PLPPR5: variants seen among roughly 807,000 people sequenced by gnomAD.
PLPPR5 encodes phospholipid phosphatase related 5, also known as phospholipid phosphatase-related protein type 5.
In PLPPR5, 16 loss-of-function variants were observed where a neutral mutation model predicts 33.9. The observed-to-expected ratio is 0.47, with a 90% CI of 0.32 to 0.72. PLPPR5 has a LOEUF of 0.72. PLPPR5 is among the 30% of genes least tolerant of loss of function. The pLI is 0.03. For missense variants in PLPPR5, 301 were observed against 406.7 expected (o/e 0.74, Z 2.23); for synonymous variants, 163 against 150.3 (o/e 1.08, Z -0.62).
chr1:98,897,692 A>T (rs560426529), intron 5 of PLPPR5, among the ~76,000 whole-genome samples: 66 of 152,278 alleles, frequency 4.3e-4, no homozygotes, highest in African/African-American at 1.5e-3. Flanking sequence ...TGTGTGGTAC[A>T]GTGGTCTTTG....
intron 1 of PLPPR5, among the ~76,000 whole-genome samples, chr1:98,958,031 C>T (rs912357592): frequency 5.9e-5 from 9 of 152,122 alleles, no homozygotes; most frequent in Admixed American, 1.3e-4. Context: ...CTTTTTAAGG[C>T]CAGTCAGAAG....
chr1:98,936,312 G>T (rs1650167623), intron 3 of PLPPR5, among the ~76,000 whole-genome samples: 1 of 152,186 alleles, frequency 6.6e-6, no homozygotes, highest in Non-Finnish European at 1.5e-5. Flanking sequence ...GGGCTTTTTA[G>T]AGTGTGTAAA....
At chr1:98,953,392 T>TGTGA (rs1553169384) in intron 2 of PLPPR5, 72 bp from the exon 3 acceptor site, 157,605 of 1,447,602 alleles carry the variant, frequency 0.11, 3,337 homozygotes, top group Middle Eastern at 0.14. Flanking sequence ...TGTGTGTGTG[T>TGTGA]GTGAATTTCA....
At chr1:98,973,642 A>G (rs17119341) in intron 1 of PLPPR5, among the ~76,000 whole-genome samples, 16,886 of 151,974 alleles carry the variant, frequency 0.11, 1,005 homozygotes, top group African/African-American at 0.13. Flanking sequence ...AATAATCCAG[A>G]ACTGACCCAG....
chr1:98,919,778 G>A (rs551442539), intron 4 of PLPPR5, among the ~76,000 whole-genome samples: 14 of 152,196 alleles, frequency 9.2e-5, no homozygotes, highest in African/African-American at 1.4e-4. Flanking sequence ...CAAATCTTAC[G>A]TAGGGTAAAA....
At chr1:99,003,095 A>ATATATG (rs1652930193) in intron 1 of PLPPR5, among the ~76,000 whole-genome samples, 5 of 129,338 alleles carry the variant, frequency 3.9e-5, no homozygotes, top group Non-Finnish European at 6.7e-5. Context: ...ATATATATAT[A>ATATATG]TGTAAAACAT....
chr1:98,954,109 T>A (rs1447449213), intron 2 of PLPPR5, among the ~76,000 whole-genome samples: 4 of 151,972 alleles, frequency 2.6e-5, no homozygotes, highest in Admixed American at 1.3e-4. Flanking sequence ...TATTTTTTCC[T>A]CCTTTGCTAA....
At chr1:98,969,148 T>C (rs1651557501) in intron 1 of PLPPR5, among the ~76,000 whole-genome samples, 1 of 152,062 alleles carries the variant, frequency 6.6e-6, no homozygotes, top group South Asian at 2.1e-4. Context: ...AAATATCTGG[T>C]AGAGCTAGCA....
chr1:98,915,784 G>A (rs556217752), intron 4 of PLPPR5, among the ~76,000 whole-genome samples: 17 of 152,182 alleles, frequency 1.1e-4, no homozygotes, highest in South Asian at 4.1e-4. Flanking sequence ...AATGAAGAAT[G>A]GGGCCTAGGA....
In PLPPR5 at chr1:98,896,882, G is replaced by A. The variant is rs184652098; in HGVS notation, c.934-3778C>T. On this transcript the variant is annotated intron_variant, in intron 5 of 5. Coordinates refer to ENST00000263177, the MANE Select transcript of PLPPR5 (RefSeq NM_001037317.2). Reference sequence around the variant, plus strand: ...AATTAAGACAAAACTGTCACGATTCGTGGCACGAAACTTTGGTGATGACTT... The same window carrying A: ...AATTAAGACAAAACTGTCACGATTCATGGCACGAAACTTTGGTGATGACTT... Among the ~76,000 whole-genome samples, 391 of 152,106 alleles carry A rather than the reference G, an allele frequency of 2.6e-3. 2 individuals are homozygous for A. Among genetic ancestry groups the A allele is most frequent in the Non-Finnish European group, 4.3e-3 (295 of 67,978 alleles).
Position 99,004,519 on chromosome 1 carries a change from G to GC in PLPPR5, c.152dup (p.Lys52GlnfsTer47). Reference sequence around the variant, plus strand: ...TGTCCTCCGGGCCCGGGTAGGGTTTGCGGTAGGCGCTGTCGTGGCAGAAGA... The same window carrying GC: ...TGTCCTCCGGGCCCGGGTAGGGTTTGCCGGTAGGCGCTGTCGTGGCAGAAGA... On this transcript the variant is annotated frameshift_variant, in exon 1 of 6. Coordinates refer to ENST00000263177, the MANE Select transcript of PLPPR5 (RefSeq NM_001037317.2). LOFTEE classifies it high-confidence loss of function. 1 of 1,613,284 alleles carries GC rather than the reference G, an allele frequency of 6.2e-7. No homozygotes were observed. The highest frequency in any genetic ancestry group is 8.5e-7 in the Non-Finnish European group (1 of 1,179,870).
upstream of PLPPR5, among the ~76,000 whole-genome samples, chr1:99,005,572 C>G (rs905230982): frequency 2.6e-5 from 4 of 152,230 alleles, no homozygotes; most frequent in African/African-American, 4.8e-5. Flanking sequence ...TCCATGCATT[C>G]TCTTGCTCAT....
At chr1:98,927,485 A>C (rs1310270452) in intron 3 of PLPPR5, among the ~76,000 whole-genome samples, 2 of 152,092 alleles carry the variant, frequency 1.3e-5, no homozygotes, top group Non-Finnish European at 2.9e-5. Flanking sequence ...GGAAGTAAAG[A>C]TCCTTTTGTC....
chr1:98,968,177 C>T (rs1037931149), intron 1 of PLPPR5, among the ~76,000 whole-genome samples: 1 of 125,128 alleles, frequency 8.0e-6, no homozygotes, highest in African/African-American at 2.9e-5. Flanking sequence ...CAAACATAAG[C>T]TCTAAGGAAA....
chr1:98,907,294 C>G (rs1570685878), intron 5 of PLPPR5, among the ~76,000 whole-genome samples: 4 of 151,714 alleles, frequency 2.6e-5, no homozygotes, highest in African/African-American at 7.3e-5. Flanking sequence ...CTCTGCCCCC[C>G]AGGTTCAAGC....
intron 1 of PLPPR5, among the ~76,000 whole-genome samples, chr1:98,962,312 A>AT (rs5776446): frequency 3.3e-5 from 5 of 152,128 alleles, no homozygotes; most frequent in South Asian, 2.1e-4. Context: ...CATAATTAGC[A>AT]TTTTTTGTGG....
intron 5 of PLPPR5, among the ~76,000 whole-genome samples, chr1:98,907,278 T>G (rs1648941744): frequency 1.3e-5 from 2 of 151,010 alleles, no homozygotes; most frequent in African/African-American, 2.4e-5. Context: ...CTTGGCTTGC[T>G]GCAACCTCTG....
chr1:98,894,042 T>C (rs1000493746), intron 5 of PLPPR5, among the ~76,000 whole-genome samples: 7 of 152,068 alleles, frequency 4.6e-5, no homozygotes, highest in African/African-American at 9.7e-5. Context: ...AAAATGTGTG[T>C]AAAGAAATTA....
At chr1:98,914,951 G>A in intron 4 of PLPPR5, 31 bp from the exon 5 acceptor site, 1 of 1,596,782 alleles carries the variant, frequency 6.3e-7, no homozygotes, top group Non-Finnish European at 8.5e-7. Flanking sequence ...TACAGTTAAA[G>A]CAAACTGTGC....
Sources: gnomAD v4.1 joint callset for allele counts (sites outside exome capture counted in the v4.1 genomes callset) on GRCh38, gnomAD v4.1.1 for gene constraint, MANE v1.5 for transcripts, NCBI Gene and HGNC (gene_info 2026-07-23, HGNC 2026-07-21) for gene names.